The following GABRB3 variants were observed in gnomAD, a reference collection of about 807,000 sequenced individuals.
GABRB3 encodes the protein gamma-aminobutyric acid receptor subunit beta-3.
A neutral mutation model predicts 52.1 loss-of-function variants in GABRB3; 14 were observed. The observed-to-expected ratio is 0.27, with a 90% CI of 0.18 to 0.42. The LOEUF (loss-of-function observed/expected upper bound fraction) is 0.42. GABRB3 is among the 10% of genes least tolerant of loss of function. The pLI is 1.00. For missense variants in GABRB3, 307 were observed against 609.1 expected (o/e 0.50, Z 5.22); for synonymous variants, 260 against 232.3 (o/e 1.12, Z -1.08).
chr15:26,772,051 T>C, intron 3 of GABRB3: 3 of 249,222 alleles, frequency 1.2e-5, no homozygotes, highest in Non-Finnish European at 1.5e-5. Context: ...CCCCAGCGCC[T>C]GTTGCTAAGG....
chr15:26,591,879 C>T (rs1187186191), intron 4 of GABRB3, among the ~76,000 whole-genome samples: 4 of 152,160 alleles, frequency 2.6e-5, no homozygotes, highest in Non-Finnish European at 5.9e-5. Context: ...GTAGCTCCTC[C>T]GATGTTCTAG....
At chr15:26,697,836 T>A (rs1888791225) in intron 3 of GABRB3, among the ~76,000 whole-genome samples, 1 of 152,216 alleles carries the variant, frequency 6.6e-6, no homozygotes, top group African/African-American at 2.4e-5. Flanking sequence ...GCAACCACGC[T>A]GTGCTCTCAT....
At chr15:26,734,274 G>A (rs886534174) in intron 3 of GABRB3, among the ~76,000 whole-genome samples, 9 of 151,732 alleles carry the variant, frequency 5.9e-5, no homozygotes, top group Non-Finnish European at 1.3e-4. Context: ...CAGGTGATCC[G>A]CCTGCCTCGG....
intron 3 of GABRB3, among the ~76,000 whole-genome samples, chr15:26,687,691 CA>C (rs1171310153): frequency 6.6e-6 from 1 of 152,164 alleles, no homozygotes; most frequent in Non-Finnish European, 1.5e-5. Flanking sequence ...GTTTGACTGA[CA>C]AGAGCAAAAT....
intron 3 of GABRB3, among the ~76,000 whole-genome samples, chr15:26,764,308 A>C (rs77482957): frequency 0.019 from 2,813 of 148,948 alleles, 90 homozygotes; most frequent in African/African-American, 0.067. Flanking sequence ...ACTGGGGTAA[A>C]ACATGATGAT....
At chr15:26,666,604 T>C (rs968067723) in intron 3 of GABRB3, 1 of 152,168 alleles carries the variant, frequency 6.6e-6, no homozygotes, top group African/African-American at 2.4e-5. Flanking sequence ...TAATCATCAG[T>C]GCATGTCAAA....
chr15:26,642,628 C>T, intron 3 of GABRB3: 1 of 578,904 alleles, frequency 1.7e-6, no homozygotes, highest in Non-Finnish European at 2.9e-6. Context: ...CTCCTCTCTA[C>T]CTGCATATAT....
At chr15:26,549,524 G>A (rs900619065) in intron 8 of GABRB3, among the ~76,000 whole-genome samples, 4 of 152,118 alleles carry the variant, frequency 2.6e-5, no homozygotes, top group African/African-American at 9.7e-5. Context: ...TGGCCCCCAG[G>A]GAGGTTGTAA....
In GABRB3 at chr15:26,769,053, G is replaced by C. The variant is rs139145759; in HGVS notation, c.240+3349C>G. On this transcript the variant is annotated intron_variant, in intron 3 of 8. Coordinates refer to ENST00000311550, the MANE Select transcript of GABRB3 (RefSeq NM_000814.6). Reference sequence around the variant, plus strand: ...ATTTTTTGGAGGCATCATCTACACAGGCTACCAGTAGATAAGGACTGGAGT... The same window carrying C: ...ATTTTTTGGAGGCATCATCTACACACGCTACCAGTAGATAAGGACTGGAGT... Among the ~76,000 whole-genome samples, 302 of 152,246 alleles carry C rather than the reference G, an allele frequency of 2.0e-3. 1 individual carries two copies. The highest frequency in any genetic ancestry group is 6.4e-3 in the African/African-American group (265 of 41,536).
intron 3 of GABRB3, among the ~76,000 whole-genome samples, chr15:26,731,439 C>T (rs1889911971): frequency 6.6e-6 from 1 of 152,158 alleles, no homozygotes; most frequent in Admixed American, 6.5e-5. Flanking sequence ...CCATGGACCT[C>T]ACTTTGGAGT....
At chr15:26,593,212 A>G (rs565385103) in intron 4 of GABRB3, among the ~76,000 whole-genome samples, 1 of 152,308 alleles carries the variant, frequency 6.6e-6, no homozygotes, top group African/African-American at 2.4e-5. Context: ...CTGAGGGGAT[A>G]AAATGGATAT....
chr15:26,758,791 C>T lies in GABRB3; in HGVS notation c.240+13611G>A, dbSNP rs550633022. Among the ~76,000 whole-genome samples, 6 of 151,754 alleles carry T rather than the reference C, an allele frequency of 4.0e-5. No individual in the cohort carries two copies. In the South Asian group the frequency reaches 1.3e-3, roughly 32 times the overall value. The stretch of plus-strand genomic sequence containing the variant: ...AGAAAAAGAAAAAAAGAAAAAAAAA[C>T]AACCTTAAGTAACATATGTGACACC... On this transcript the variant is annotated intron_variant, in intron 3 of 8. Transcript: ENST00000311550.
At chr15:26,689,440 T>C (rs1052745485) in intron 3 of GABRB3, among the ~76,000 whole-genome samples, 6 of 152,104 alleles carry the variant, frequency 3.9e-5, no homozygotes, top group East Asian at 1.9e-4. Flanking sequence ...CAAAAGGAAC[T>C]GGAGTTTATG....
At position 26,578,051 on chromosome 15, in the gene GABRB3, C is replaced by T. The variant is rs144721359; in HGVS notation, c.682+2268G>A. The stretch of plus-strand genomic sequence containing the variant: ...ACCCTCTTGCCTTGATCTCCCGAAG[C>T]GTTGGGATTACAGGTGTGAACCACT... On this transcript the variant is annotated intron_variant, in intron 6 of 8. Coordinates refer to ENST00000311550, the MANE Select transcript of GABRB3 (RefSeq NM_000814.6). Among the ~76,000 whole-genome samples the T allele has an allele frequency of 1.9e-3, 285 of 152,276 alleles. 6 individuals are homozygous for T. The East Asian group carries it at 0.035, about 19-fold the overall frequency.
At position 26,599,218 on chromosome 15, in the gene GABRB3, A is replaced by T. The variant is rs557499155; in HGVS notation, c.462-15804T>A. Among the ~76,000 whole-genome samples the T allele has an allele frequency of 2.0e-5, 3 of 152,236 alleles. No individual in the cohort carries two copies. The South Asian group carries it at 6.2e-4, about 32-fold the overall frequency. ...CATTTAGCCAAAAGTCCACTCAATG[A>T]CCCCACCTGGTAAGGAAACTTCTAT... On this transcript the variant is annotated intron_variant, in intron 4 of 8. Transcript: ENST00000311550.
intron 8 of GABRB3, 110 bp downstream of exon 8, chr15:26,560,822 T>G: frequency 6.8e-7 from 1 of 1,476,592 alleles, no homozygotes; most frequent in Non-Finnish European, 9.4e-7. Context: ...AAGAAGGGTG[T>G]GTGGCTTGAC....
chr15:26,556,320 A>T (rs914567668), intron 8 of GABRB3, among the ~76,000 whole-genome samples: 2 of 152,148 alleles, frequency 1.3e-5, no homozygotes, highest in Non-Finnish European at 2.9e-5. Context: ...TTGATATCTC[A>T]TTCTCTAATT....
intron 3 of GABRB3, among the ~76,000 whole-genome samples, chr15:26,698,047 C>A (rs1173516734): frequency 2.0e-5 from 3 of 152,248 alleles, no homozygotes; most frequent in Non-Finnish European, 2.9e-5. Flanking sequence ...AAGCAAGCCT[C>A]TGTGAATCAT....
intron 7 of GABRB3, among the ~76,000 whole-genome samples, chr15:26,561,543 A>G (rs897446766): frequency 6.6e-6 from 1 of 152,224 alleles, no homozygotes; most frequent in African/African-American, 2.4e-5. Context: ...AATAAAAATA[A>G]GCCCAGAATT....
Sources: allele counts gnomAD v4.1 joint callset (sites outside exome capture counted in the v4.1 genomes callset), GRCh38; gene constraint gnomAD v4.1.1; transcripts MANE v1.5; gene names NCBI Gene and HGNC (gene_info 2026-07-23, HGNC 2026-07-21).